Variants in MC2R observed in about 807,000 individuals in gnomAD.
MC2R encodes melanocortin 2 receptor.
MC2R carries 9 observed loss-of-function variants against 9.8 expected under a neutral mutation model. The observed-to-expected ratio is 0.92, with a 90% CI of 0.55 to 1.60. The LOEUF is 1.60. Ranked by LOEUF, MC2R falls within the 40% of genes most tolerant of loss-of-function variation. The pLI is 0.00. For missense variants in MC2R, 370 were observed against 389.0 expected (o/e 0.95, Z 0.41); for synonymous variants, 185 against 154.7 (o/e 1.20, Z -1.45).
chr18:13,885,606 G>C lies in MC2R; in HGVS notation c.-88C>G. 7.0e-7 allele frequency: 1 copy of C among 1,433,648 alleles called. No individual in the cohort carries two copies. The highest frequency in any genetic ancestry group is 2.3e-5 in the East Asian group (1 of 43,568). 88.8% of individuals were successfully genotyped at this position (1,433,648 alleles called of 1,614,324 possible). A position where few individuals can be genotyped will look rare whatever the true frequency, so the allele number is the denominator to read the frequency against. ...GATTCTTCAGGATCTTTTCTTCCTT[G>C]TAGCACTTGCTGGAGATCTAAGTTA... On this transcript the variant is annotated 5_prime_UTR_variant, in exon 2 of 2. Coordinates refer to ENST00000327606, the MANE Select transcript of MC2R (RefSeq NM_000529.2).
At chr18:13,905,840 G>A (rs1031032597) in intron 1 of MC2R, among the ~76,000 whole-genome samples, 2 of 151,808 alleles carry the variant, frequency 1.3e-5, no homozygotes, top group African/African-American at 4.8e-5. Flanking sequence ...GGTGGATCAC[G>A]ATGCCAAGAG....
At chr18:13,914,006 A>G (rs1232730946) in intron 1 of MC2R, among the ~76,000 whole-genome samples, 1 of 152,130 alleles carries the variant, frequency 6.6e-6, no homozygotes, top group Non-Finnish European at 1.5e-5. Context: ...TGTATTAGAC[A>G]CTAAGGATTC....
intron 1 of MC2R, among the ~76,000 whole-genome samples, chr18:13,897,994 G>C (rs1284295062): frequency 6.6e-6 from 1 of 151,710 alleles, no homozygotes; most frequent in Non-Finnish European, 1.5e-5. Context: ...GAAAAGCTGA[G>C]GGAAAAGTAC....
chr18:13,896,586 ATAAAT>A (rs2045347395), intron 1 of MC2R, among the ~76,000 whole-genome samples: 1 of 152,262 alleles, frequency 6.6e-6, no homozygotes, highest in Admixed American at 6.5e-5. Flanking sequence ...TTAAATAAAT[ATAAAT>A]TATTCAAAAT....
At chr18:13,889,688 CA>C (rs1351182736) in intron 1 of MC2R, among the ~76,000 whole-genome samples, 4 of 150,876 alleles carry the variant, frequency 2.7e-5, no homozygotes, top group Admixed American at 6.6e-5. Context: ...CATCTTTGAC[CA>C]AAAAAAATAT....
intron 1 of MC2R, among the ~76,000 whole-genome samples, chr18:13,894,874 G>A (rs1159964354): frequency 6.6e-6 from 1 of 152,210 alleles, no homozygotes; most frequent in African/African-American, 2.4e-5. Flanking sequence ...TGTTTTGAAG[G>A]TCTCTGGCTC....
intron 1 of MC2R, among the ~76,000 whole-genome samples, chr18:13,909,038 C>T (rs1396808667): frequency 6.6e-6 from 1 of 152,064 alleles, no homozygotes; most frequent in African/African-American, 2.4e-5. Context: ...TAATTTTAAC[C>T]TAATGTCCTT....
At chr18:13,900,989 A>G (rs1055840293) in intron 1 of MC2R, among the ~76,000 whole-genome samples, 3 of 152,172 alleles carry the variant, frequency 2.0e-5, no homozygotes, top group Admixed American at 6.5e-5. Context: ...GACAGACCAT[A>G]TGTTAGGTCA....
At chr18:13,891,037 G>C (rs1158922734) in intron 1 of MC2R, among the ~76,000 whole-genome samples, 1 of 152,194 alleles carries the variant, frequency 6.6e-6, no homozygotes, top group Admixed American at 6.5e-5. Context: ...GCCATGGGGA[G>C]GCTTCAAGCC....
In MC2R at chr18:13,885,558, T is replaced by C; in HGVS notation, c.-40A>G. On this transcript the variant is annotated 5_prime_UTR_variant, in exon 2 of 2. Transcript: ENST00000327606. ...GTTAAGGCGGGGATGTTACTTGGAC[T>C]TGACTTCACGGAAAACTTGATTGAT... 3 of 1,609,740 alleles carry C rather than the reference T, an allele frequency of 1.9e-6. No homozygotes were observed. Among genetic ancestry groups the C allele is most frequent in the Non-Finnish European group, 2.6e-6 (3 of 1,176,432 alleles).
In MC2R at chr18:13,885,283, A is replaced by G; in HGVS notation, c.236T>C (p.Leu79Ser). ...SDMLGSLYKI[L>S]ENILIILRNM... ...TCTCAATATGATCAGGATATTTTCC[A>G]AGATCTTATATAGGCTGCCCAGCAT... Residue 79 changes from leucine (L) to serine (S), a missense_variant, in exon 2 of 2, where the codon TTG becomes TCG. Leu to Ser is a moderately radical substitution (Grantham distance 145). Coordinates refer to ENST00000327606, the MANE Select transcript of MC2R (RefSeq NM_000529.2). The G allele has an allele frequency of 1.2e-6, 2 of 1,614,182 alleles. No individual in the cohort carries two copies. Among genetic ancestry groups the G allele is most frequent in the Non-Finnish European group, 1.7e-6 (2 of 1,180,044 alleles).
intron 1 of MC2R, among the ~76,000 whole-genome samples, chr18:13,904,374 C>T (rs2149141781): frequency 8.1e-6 from 1 of 123,860 alleles, no homozygotes; most frequent in Admixed American, 7.7e-5. Context: ...GAGCAAGACC[C>T]CGTCTCAAAA....
At chr18:13,891,218 G>C (rs1390308375) in intron 1 of MC2R, among the ~76,000 whole-genome samples, 1 of 152,120 alleles carries the variant, frequency 6.6e-6, no homozygotes, top group Non-Finnish European at 1.5e-5. Context: ...TCTTATCTTG[G>C]AGGCTTTCCA....
Position 13,884,821 on chromosome 18 carries a change from G to T in MC2R, c.698C>A (p.Ala233Asp), listed in dbSNP as rs770298010. The T allele has an allele frequency of 2.5e-6, 4 of 1,613,982 alleles. No individual in the cohort carries two copies. Among genetic ancestry groups the T allele is most frequent in the Non-Finnish European group, 3.4e-6 (4 of 1,180,024 alleles). The change falls in exon 2 of 2, where the codon GCC becomes GAC. Residue 233 changes from alanine to aspartate, a missense_variant. Ala to Asp is a moderately radical substitution (Grantham distance 126). Coordinates refer to ENST00000327606, the MANE Select transcript of MC2R (RefSeq NM_000529.2). ...CAAGAGGACATGAAGCACAAAGGGG[G>T]CCCAGCAGAAGATGAAGACCCCGAG... The part of the protein sequence containing the change: ...ILLGVFIFCW[A>D]PFVLHVLLMT...
chr18:13,902,492 A>G (rs1032656259), intron 1 of MC2R, among the ~76,000 whole-genome samples: 1 of 152,166 alleles, frequency 6.6e-6, no homozygotes, highest in Non-Finnish European at 1.5e-5. Context: ...ATAAAAACAG[A>G]CACATAGACC....
chr18:13,885,438 C>T lies in MC2R; in HGVS notation c.81G>A (p.Pro27=), dbSNP rs774058197. ...TGGAAATTGTGAAAAATATCTCCTC[C>T]GGCAAAACCACACGAGGACAGTCGG... ...NNSDCPRVVL[P]EEIFFTISIV... Residue 27 remains proline, a synonymous_variant, in exon 2 of 2, where the codon CCG becomes CCA. Coordinates refer to ENST00000327606, the MANE Select transcript of MC2R (RefSeq NM_000529.2). 5.3e-5 allele frequency: 86 copies of T among 1,614,002 alleles called. No individual in the cohort carries two copies. The highest frequency in any genetic ancestry group is 3.3e-4 in the Middle Eastern group (2 of 6,060).
intron 1 of MC2R, among the ~76,000 whole-genome samples, chr18:13,914,724 A>C (rs762676397): frequency 2.0e-5 from 3 of 152,218 alleles, no homozygotes; most frequent in African/African-American, 7.2e-5. Context: ...ACAAACTGAA[A>C]TATGAAGAAG....
At chr18:13,901,315 A>G (rs2045378671) in intron 1 of MC2R, among the ~76,000 whole-genome samples, 3 of 152,104 alleles carry the variant, frequency 2.0e-5, no homozygotes, top group African/African-American at 7.2e-5. Context: ...TAAACAATTT[A>G]ATGATGCATC....
chr18:13,910,159 C>T (rs2045436645), intron 1 of MC2R, among the ~76,000 whole-genome samples: 1 of 152,202 alleles, frequency 6.6e-6, no homozygotes, highest in Non-Finnish European at 1.5e-5. Context: ...TGTTCCAGCA[C>T]TGTTTGTTGA....
Sources: gnomAD v4.1 joint callset for allele counts (sites outside exome capture counted in the v4.1 genomes callset) on GRCh38, gnomAD v4.1.1 for gene constraint, MANE v1.5 for transcripts, NCBI Gene and HGNC (gene_info 2026-07-23, HGNC 2026-07-21) for gene names.